The following AUH variants were observed in gnomAD, a reference collection of about 807,000 sequenced individuals.
AUH encodes methylglutaconyl-CoA hydratase, mitochondrial.
A neutral mutation model predicts 42.3 loss-of-function variants in AUH; 29 were observed. That is an observed-to-expected ratio of 0.69 (90% CI 0.51 to 0.93). The LOEUF (loss-of-function observed/expected upper bound fraction) is 0.93. AUH is among the 40% of genes least tolerant of loss of function. The probability of loss-of-function intolerance (pLI) is 0.00; values close to 1 mark genes in which losing one functional copy is unlikely to be tolerated. For synonymous variants in AUH, 174 were observed against 166.4 expected, an observed-to-expected ratio of 1.05 and a Z score of -0.35; for missense variants, 452 against 438.1, an observed-to-expected ratio of 1.03 and a Z score of -0.28.
intron 6 of AUH, among the ~76,000 whole-genome samples, chr9:91,280,100 C>T (rs764305687): frequency 2.6e-5 from 4 of 152,152 alleles, no homozygotes; most frequent in African/African-American, 7.2e-5. Context: ...AAAGCAGTCA[C>T]CAAACTGGAA....
intron 6 of AUH, among the ~76,000 whole-genome samples, chr9:91,231,505 C>T (rs1453038726): frequency 1.3e-5 from 2 of 152,226 alleles, no homozygotes; most frequent in Non-Finnish European, 2.9e-5. Context: ...ATGCAGAAAT[C>T]ACCCGTCTTC....
intron 6 of AUH, among the ~76,000 whole-genome samples, chr9:91,233,168 CG>C (rs998513053): frequency 8.7e-4 from 132 of 152,078 alleles, no homozygotes; most frequent in African/African-American, 3.0e-3. Flanking sequence ...AGTAAGAAAG[CG>C]GGGGGAGATG....
intron 3 of AUH, among the ~76,000 whole-genome samples, chr9:91,353,130 G>A (rs953268899): frequency 8.6e-5 from 13 of 151,802 alleles, no homozygotes; most frequent in Middle Eastern, 6.8e-3. Context: ...ACTGTCACCC[G>A]GGCTGGAATG....
chr9:91,252,589 A>C (rs1649693646), intron 6 of AUH, among the ~76,000 whole-genome samples: 1 of 151,974 alleles, frequency 6.6e-6, no homozygotes, highest in African/African-American at 2.4e-5. Flanking sequence ...ATCTTCACTG[A>C]CTCCCAACCC....
rs553619472 is a variant in AUH at position 91,225,864 on chromosome 9, C to T, written c.656-4872G>A. Among the ~76,000 whole-genome samples the T allele has an allele frequency of 9.9e-5, 15 of 151,928 alleles. No individual in the cohort carries two copies. In the South Asian group the frequency reaches 3.1e-3, roughly 32 times the overall value. On this transcript the variant is annotated intron_variant, in intron 6 of 9. Transcript: ENST00000375731. Reference sequence around the variant, plus strand: ...GACGATTTCCAATTTCATCCATGTCCCTAAAGGACATGAACTCATCATTTT... The same window carrying T: ...GACGATTTCCAATTTCATCCATGTCTCTAAAGGACATGAACTCATCATTTT...
chr9:91,354,677 T>C (rs1832271420), intron 3 of AUH, among the ~76,000 whole-genome samples: 1 of 152,218 alleles, frequency 6.6e-6, no homozygotes, highest in Non-Finnish European at 1.5e-5. Flanking sequence ...CTAACACTTA[T>C]TTTTAAAATG....
chr9:91,266,748 T>C (rs1829998115), intron 6 of AUH, among the ~76,000 whole-genome samples: 3 of 152,100 alleles, frequency 2.0e-5, no homozygotes, highest in African/African-American at 7.2e-5. Context: ...GTAATAAAAA[T>C]TCAAGAGTTG....
At chr9:91,221,277 C>CA (rs1827118788) in intron 6 of AUH, among the ~76,000 whole-genome samples, 1 of 152,194 alleles carries the variant, frequency 6.6e-6, no homozygotes, top group African/African-American at 2.4e-5. Context: ...CCACAGTCAT[C>CA]ACCCCATCAG....
intron 6 of AUH, among the ~76,000 whole-genome samples, chr9:91,258,526 T>TGC (rs1231870778): frequency 2.6e-5 from 4 of 152,226 alleles, no homozygotes; most frequent in Non-Finnish European, 5.9e-5. Flanking sequence ...TGGGCCACCG[T>TGC]GCCCAGCCTC....
chr9:91,326,719 CA>C (rs1829989274), intron 3 of AUH, among the ~76,000 whole-genome samples: 1 of 152,056 alleles, frequency 6.6e-6, no homozygotes, highest in African/African-American at 2.4e-5. Context: ...CAGAGGACTT[CA>C]ATTTTATTTG....
chr9:91,319,882 T>C (rs1564097282), intron 4 of AUH, among the ~76,000 whole-genome samples: 2 of 152,184 alleles, frequency 1.3e-5, no homozygotes, highest in Non-Finnish European at 2.9e-5. Flanking sequence ...GTCTACTTGA[T>C]CCTTGTGCAA....
intron 4 of AUH, among the ~76,000 whole-genome samples, chr9:91,302,246 T>C (rs1000046141): frequency 9.9e-5 from 15 of 152,016 alleles, no homozygotes; most frequent in African/African-American, 3.6e-4. Context: ...GGCAGGTGGA[T>C]CATTTAAGGT....
At chr9:91,231,259 T>C (rs1827861899) in intron 6 of AUH, among the ~76,000 whole-genome samples, 1 of 152,078 alleles carries the variant, frequency 6.6e-6, no homozygotes. Flanking sequence ...TGGTGCGCCG[T>C]TTTTTAAGCC....
At chr9:91,320,498 T>C (rs1752482555) in intron 4 of AUH, among the ~76,000 whole-genome samples, 1 of 152,234 alleles carries the variant, frequency 6.6e-6, no homozygotes, top group Non-Finnish European at 1.5e-5. Context: ...CCAATCCAGC[T>C]GTTTCTGCAC....
chr9:91,350,037 A>G (rs1437280082), intron 3 of AUH, among the ~76,000 whole-genome samples: 1 of 152,218 alleles, frequency 6.6e-6, no homozygotes, highest in Non-Finnish European at 1.5e-5. Flanking sequence ...ACGATCAACA[A>G]TATATTAAAA....
chr9:91,238,605 C>G (rs1432273723), intron 6 of AUH, among the ~76,000 whole-genome samples: 1 of 152,180 alleles, frequency 6.6e-6, no homozygotes, highest in Non-Finnish European at 1.5e-5. Context: ...TCATGTATCA[C>G]TTGGATAGAA....
intron 3 of AUH, among the ~76,000 whole-genome samples, chr9:91,327,986 C>T (rs1034686134): frequency 7.2e-5 from 11 of 152,106 alleles, no homozygotes; most frequent in African/African-American, 1.9e-4. Context: ...TTCAAGTGGG[C>T]GCGAACCAAG....
chr9:91,268,575 C>A (rs1034248170), intron 6 of AUH, among the ~76,000 whole-genome samples: 6 of 152,044 alleles, frequency 3.9e-5, no homozygotes, highest in African/African-American at 1.2e-4. Context: ...GGACTACAGG[C>A]GCACGCTGCC....
At chr9:91,271,040 T>C (rs1825082304) in intron 6 of AUH, among the ~76,000 whole-genome samples, 1 of 152,218 alleles carries the variant, frequency 6.6e-6, no homozygotes, top group South Asian at 2.1e-4. Flanking sequence ...AAATTTTTAT[T>C]AGAAACATGT....
Sources: gnomAD v4.1 joint callset for allele counts (sites outside exome capture counted in the v4.1 genomes callset) on GRCh38, gnomAD v4.1.1 for gene constraint, MANE v1.5 for transcripts, NCBI Gene and HGNC (gene_info 2026-07-23, HGNC 2026-07-21) for gene names.